ERBB4: variants seen among roughly 807,000 people sequenced by gnomAD.
ERBB4 encodes erb-b2 receptor tyrosine kinase 4, also known as receptor tyrosine-protein kinase erbB-4.
In ERBB4, 42 loss-of-function variants were observed where a neutral mutation model predicts 158.0. That is an observed-to-expected ratio of 0.27 (90% confidence interval 0.21 to 0.34). ERBB4 has a LOEUF of 0.34. Ranked by LOEUF, ERBB4 falls within the 10% of genes least tolerant of loss-of-function variation. The pLI is 1.00. For synonymous variants in ERBB4, 583 were observed against 558.7 expected (o/e 1.04, Z -0.61); for missense variants, 1,333 against 1,624.1 (o/e 0.82, Z 3.08).
intron 25 of ERBB4, among the ~76,000 whole-genome samples, chr2:211,402,240 C>T (rs796539053): frequency 6.6e-5 from 10 of 151,974 alleles, no homozygotes; most frequent in South Asian, 2.1e-4. Flanking sequence ...GATAACCAAC[C>T]GGTTACATTA....
At chr2:212,131,265 T>C (rs1378555649) in intron 1 of ERBB4, among the ~76,000 whole-genome samples, 1 of 151,640 alleles carries the variant, frequency 6.6e-6, no homozygotes, top group Non-Finnish European at 1.5e-5. Context: ...GGATTTCCTA[T>C]TTGCCCCATT....
intron 20 of ERBB4, among the ~76,000 whole-genome samples, chr2:211,476,287 G>T (rs999980580): frequency 6.6e-6 from 1 of 152,072 alleles, no homozygotes; most frequent in Admixed American, 6.6e-5. Context: ...GAATACAAAA[G>T]CTAGAAAGAT....
At chr2:212,101,802 G>C (rs1203851915) in intron 2 of ERBB4, among the ~76,000 whole-genome samples, 2 of 151,746 alleles carry the variant, frequency 1.3e-5, no homozygotes, top group South Asian at 4.2e-4. Context: ...ATAATGAAAA[G>C]GTTATAAAAA....
chr2:211,535,213 T>C (rs189680446), intron 20 of ERBB4, among the ~76,000 whole-genome samples: 3 of 152,186 alleles, frequency 2.0e-5, no homozygotes, highest in South Asian at 4.1e-4. Flanking sequence ...ATGAAATTTA[T>C]TCTAAGAACA....
chr2:212,352,826 G>A (rs1017907791), intron 1 of ERBB4, among the ~76,000 whole-genome samples: 5 of 151,884 alleles, frequency 3.3e-5, no homozygotes, highest in African/African-American at 1.2e-4. Flanking sequence ...TGAGATCATG[G>A]CACTGCACTC....
chr2:211,405,291 C>T (rs1233400440), intron 25 of ERBB4, among the ~76,000 whole-genome samples: 2 of 152,020 alleles, frequency 1.3e-5, no homozygotes, highest in Admixed American at 6.6e-5. Context: ...GAATGTCTTC[C>T]GTTCGTGAAT....
intron 14 of ERBB4, among the ~76,000 whole-genome samples, chr2:211,666,944 T>C (rs1433550119): frequency 5.9e-5 from 9 of 152,178 alleles, no homozygotes. Flanking sequence ...TATAAAGAAC[T>C]AGATATTAGG....
chr2:212,391,799 ATAT>A (rs985976355), intron 1 of ERBB4, among the ~76,000 whole-genome samples: 99 of 139,318 alleles, frequency 7.1e-4, no homozygotes, highest in African/African-American at 2.7e-3. Context: ...TTGACATATA[ATAT>A]TATGTGGGAT....
rs1051132862 is a variant in ERBB4 at position 212,538,600 on chromosome 2, G to T, written c.-70C>A. 6.7e-7 allele frequency: 1 copy of T among 1,481,590 alleles called. No homozygotes were observed. The highest frequency in any genetic ancestry group is 1.7e-5 in the Admixed American group (1 of 59,734). The allele number at this position is 1,481,590 out of a possible 1,614,324, so 91.8% of individuals were successfully genotyped here. A position where few individuals can be genotyped will look rare whatever the true frequency, so the allele number is the denominator to read the frequency against. On this transcript the variant is annotated 5_prime_UTR_variant, in exon 1 of 28. Coordinates refer to ENST00000342788, the MANE Select transcript of ERBB4 (RefSeq NM_005235.3). ...TGGCATATCCCCCTTTCGGGCACGCGGAGGAGATCCCCCAGCCGGGCGCGC... is the reference window on the plus strand; with the variant it reads ...TGGCATATCCCCCTTTCGGGCACGCTGAGGAGATCCCCCAGCCGGGCGCGC...
At chr2:212,205,755 A>G (rs1559741835) in intron 1 of ERBB4, among the ~76,000 whole-genome samples, 1 of 152,198 alleles carries the variant, frequency 6.6e-6, no homozygotes, top group Non-Finnish European at 1.5e-5. Flanking sequence ...ACTTAGGTAA[A>G]TCATAGAGAG....
At chr2:211,802,922 C>G (rs1423230710) in intron 3 of ERBB4, among the ~76,000 whole-genome samples, 1 of 152,198 alleles carries the variant, frequency 6.6e-6, no homozygotes, top group African/African-American at 2.4e-5. Flanking sequence ...GCTGAAAACT[C>G]ATTGAATTTA....
chr2:211,824,867 T>C (rs1020937579), intron 3 of ERBB4, among the ~76,000 whole-genome samples: 8 of 152,014 alleles, frequency 5.3e-5, no homozygotes, highest in Admixed American at 2.0e-4. Context: ...ATTTAAAATG[T>C]TAATTACCGG....
rs78782456 is a variant in ERBB4, at chr2:212,114,396, G to C, written c.234+10356C>G. Among the ~76,000 whole-genome samples, 1,004 of 152,256 alleles carry C rather than the reference G, an allele frequency of 6.6e-3. 8 individuals are homozygous for C. Among genetic ancestry groups the C allele is most frequent in the African/African-American group, 0.022 (934 of 41,536 alleles). ...AGTCAGAAAGAGCTGAATACCAAAA[G>C]GAAGTTGGTTATAATTGAAAGATGG... On this transcript the variant is annotated intron_variant, in intron 2 of 27. Transcript: ENST00000342788.
chr2:212,456,304 T>C (rs113599637), intron 1 of ERBB4, among the ~76,000 whole-genome samples: 7 of 152,110 alleles, frequency 4.6e-5, no homozygotes, highest in Admixed American at 1.3e-4. Context: ...TTCACTTTTA[T>C]CAAAATCACT....
intron 5 of ERBB4, among the ~76,000 whole-genome samples, chr2:211,748,616 C>G (rs2075040627): frequency 6.6e-6 from 1 of 152,208 alleles, no homozygotes; most frequent in Admixed American, 6.5e-5. Flanking sequence ...GGGCCTGAGA[C>G]AGGGTGTGGT....
intron 1 of ERBB4, among the ~76,000 whole-genome samples, chr2:212,176,045 C>T (rs1199613244): frequency 6.6e-6 from 1 of 152,000 alleles, no homozygotes; most frequent in Admixed American, 6.6e-5. Context: ...CATTTCCCTA[C>T]TTAAAATCAT....
intron 3 of ERBB4, among the ~76,000 whole-genome samples, chr2:211,831,761 G>C (rs1043743468): frequency 2.0e-5 from 3 of 152,022 alleles, no homozygotes; most frequent in Non-Finnish European, 4.4e-5. Context: ...AAATTAGCCA[G>C]GCGTGGCAGC....
intron 1 of ERBB4, among the ~76,000 whole-genome samples, chr2:212,268,679 G>A (rs551686070): frequency 2.6e-5 from 4 of 151,918 alleles, no homozygotes; most frequent in Admixed American, 2.6e-4. Flanking sequence ...TAGGAGGAAA[G>A]CAGTCATAGA....
chr2:211,801,170 A>G (rs1307470644), intron 3 of ERBB4, among the ~76,000 whole-genome samples: 1 of 152,202 alleles, frequency 6.6e-6, no homozygotes, highest in Admixed American at 6.5e-5. Flanking sequence ...ATTAATTCAA[A>G]TAAATGAAAA....
Sources: allele counts gnomAD v4.1 joint callset (sites outside exome capture counted in the v4.1 genomes callset), GRCh38; gene constraint gnomAD v4.1.1; transcripts MANE v1.5; gene names NCBI Gene and HGNC (gene_info 2026-07-23, HGNC 2026-07-21).